Variants in ZFHX3 observed in about 807,000 individuals in gnomAD.
The protein encoded by ZFHX3 is zinc finger homeobox protein 3.
Under a neutral mutation model 279.1 loss-of-function variants are expected in ZFHX3, and 42 were observed. The ratio of observed to expected loss-of-function variants is 0.15; its 90% CI spans 0.12 to 0.19. The LOEUF (loss-of-function observed/expected upper bound fraction) is 0.19, where lower values mean the gene tolerates loss of function less well. Among genes scored for constraint, ZFHX3 ranks in the 10% least tolerant of loss-of-function variants. ZFHX3 has a pLI of 1.00. For missense variants in ZFHX3, 4,981 were observed against 4,754.0 expected (o/e 1.05, Z -1.40); for synonymous variants, 2,293 against 1,957.8 (o/e 1.17, Z -4.52).
chr16:73,787,358 T>C (rs1039753789), intron 1 of ZFHX3, among the ~76,000 whole-genome samples: 2 of 152,184 alleles, frequency 1.3e-5, no homozygotes, highest in Non-Finnish European at 2.9e-5. Context: ...CAGGAATCTG[T>C]ATGGTGGGTG....
At chr16:73,267,101 A>G (rs2013998843) in intron 4 of ZFHX3, among the ~76,000 whole-genome samples, 1 of 152,224 alleles carries the variant, frequency 6.6e-6, no homozygotes, top group Non-Finnish European at 1.5e-5. Context: ...CTTTCGTGAC[A>G]GCCTCAGGGC....
chr16:73,496,692 C>T (rs1015791336), intron 2 of ZFHX3, among the ~76,000 whole-genome samples: 1 of 152,216 alleles, frequency 6.6e-6, no homozygotes, highest in Non-Finnish European at 1.5e-5. Context: ...TATTCTCCTC[C>T]ATATTCTGTG....
At chr16:73,158,139 G>A (rs1377020791) in intron 5 of ZFHX3, among the ~76,000 whole-genome samples, 1 of 152,194 alleles carries the variant, frequency 6.6e-6, no homozygotes, top group Non-Finnish European at 1.5e-5. Flanking sequence ...GACACTGCAG[G>A]TCTGCATCTT....
intron 5 of ZFHX3, among the ~76,000 whole-genome samples, chr16:73,224,296 C>T (rs2012520142): frequency 6.6e-6 from 1 of 152,204 alleles, no homozygotes; most frequent in South Asian, 2.1e-4. Context: ...TAAATGAGAA[C>T]TCTTTGTCCT....
chr16:73,353,447 T>A (rs566087488), intron 3 of ZFHX3, among the ~76,000 whole-genome samples: 139 of 152,256 alleles, frequency 9.1e-4, no homozygotes, highest in African/African-American at 3.2e-3. Context: ...ACTAACACAA[T>A]AGTGTTATTA....
At chr16:73,119,221 A>C (rs1966466823) in intron 7 of ZFHX3, among the ~76,000 whole-genome samples, 1 of 152,068 alleles carries the variant, frequency 6.6e-6, no homozygotes, top group South Asian at 2.1e-4. Flanking sequence ...CTCCTGCCTC[A>C]GCCTCCTGAG....
In ZFHX3 at chr16:73,522,087, G is replaced by A. The variant is rs557078489; in HGVS notation, c.-1546-65829C>T. On this transcript the variant is annotated intron_variant, in intron 2 of 17. Transcript: ENST00000641206. ...CTTTACTTAATGAATATAGGAAAGAGAATTCATTATTATTCCGTCAATGAA... is the reference window on the plus strand; with the variant it reads ...CTTTACTTAATGAATATAGGAAAGAAAATTCATTATTATTCCGTCAATGAA... 2.5e-3 allele frequency among the ~76,000 whole-genome samples: 376 copies of A among 152,286 alleles called. 2 individuals carry two copies. Among genetic ancestry groups the A allele is most frequent in the African/African-American group, 8.8e-3 (365 of 41,572 alleles).
At chr16:73,174,041 G>T (rs767954766) in intron 5 of ZFHX3, among the ~76,000 whole-genome samples, 32 of 152,148 alleles carry the variant, frequency 2.1e-4, no homozygotes, top group Non-Finnish European at 4.6e-4. Context: ...AAATTCCCAA[G>T]TGTGTGAGCG....
intron 2 of ZFHX3, among the ~76,000 whole-genome samples, chr16:73,626,097 C>A (rs2142142261): frequency 6.6e-6 from 1 of 152,218 alleles, no homozygotes; most frequent in East Asian, 1.9e-4. Context: ...ACCTCGTGAT[C>A]CGCCCGCCTC....
intron 1 of ZFHX3, among the ~76,000 whole-genome samples, chr16:73,754,673 G>T (rs576250508): frequency 1.3e-5 from 2 of 152,248 alleles, no homozygotes; most frequent in Admixed American, 6.5e-5. Context: ...CTTCCGACTA[G>T]CCTTGGATTT....
chr16:72,925,426 C>T (rs933023560), intron 3 of ZFHX3, among the ~76,000 whole-genome samples: 4 of 152,242 alleles, frequency 2.6e-5, no homozygotes, highest in African/African-American at 9.6e-5. Context: ...ATTCTAGAGG[C>T]CCCTGAATGC....
chr16:73,562,411 C>T (rs572297251), intron 2 of ZFHX3, among the ~76,000 whole-genome samples: 10 of 152,026 alleles, frequency 6.6e-5, no homozygotes, highest in South Asian at 2.1e-4. Context: ...CTGGCTAACA[C>T]GGTGAAACCC....
chr16:73,388,634 C>G (rs1357455530), intron 3 of ZFHX3, among the ~76,000 whole-genome samples: 2 of 152,190 alleles, frequency 1.3e-5, no homozygotes, highest in African/African-American at 4.8e-5. Context: ...CAACCTCCCC[C>G]TGCTAGCTCC....
intron 1 of ZFHX3, among the ~76,000 whole-genome samples, chr16:73,818,338 G>A (rs1413004104): frequency 2.0e-5 from 3 of 152,206 alleles, no homozygotes; most frequent in African/African-American, 7.2e-5. Context: ...ATGGAAGTTT[G>A]TGGCAAGGTG....
chr16:73,615,672 C>A (rs537191484), intron 2 of ZFHX3, among the ~76,000 whole-genome samples: 1 of 152,248 alleles, frequency 6.6e-6, no homozygotes, highest in East Asian at 1.9e-4. Context: ...TGATTCACAG[C>A]AACTCACAAC....
intron 8 of ZFHX3, among the ~76,000 whole-genome samples, chr16:73,091,630 A>C (rs1164422146): frequency 6.6e-6 from 1 of 152,226 alleles, no homozygotes; most frequent in African/African-American, 2.4e-5. Context: ...TTATGACCCC[A>C]AATAGTTAAC....
intron 2 of ZFHX3, among the ~76,000 whole-genome samples, chr16:73,484,422 G>C (rs1038753704): frequency 6.6e-6 from 1 of 152,086 alleles, no homozygotes; most frequent in South Asian, 2.1e-4. Flanking sequence ...GCAGACTTTC[G>C]CCCTTGGCAT....
At chr16:73,798,669 G>C (rs1353140626) in intron 1 of ZFHX3, among the ~76,000 whole-genome samples, 3 of 152,146 alleles carry the variant, frequency 2.0e-5, no homozygotes, top group East Asian at 3.9e-4. Flanking sequence ...CCTCAGCTCT[G>C]TTGTACATCA....
chr16:73,627,150 T>TA (rs1395292103), intron 2 of ZFHX3, among the ~76,000 whole-genome samples: 2 of 152,184 alleles, frequency 1.3e-5, no homozygotes, highest in Non-Finnish European at 2.9e-5. Flanking sequence ...CAAAGAAAAT[T>TA]TCACTAAAGG....
Sources: gnomAD v4.1 joint callset for allele counts (sites outside exome capture counted in the v4.1 genomes callset) on GRCh38, gnomAD v4.1.1 for gene constraint, MANE v1.5 for transcripts, NCBI Gene and HGNC (gene_info 2026-07-23, HGNC 2026-07-21) for gene names.